Variants in DAD1 observed in about 807,000 individuals in gnomAD.
The protein encoded by DAD1 is dolichyl-diphosphooligosaccharide--protein glycosyltransferase subunit DAD1.
DAD1 carries 4 observed loss-of-function variants against 9.0 expected under a neutral mutation model. That is an observed-to-expected ratio of 0.44 (90% confidence interval 0.22 to 1.01). The LOEUF (loss-of-function observed/expected upper bound fraction) is 1.01, where lower values mean the gene tolerates loss of function less well. Among genes scored for constraint, DAD1 ranks in the 50% least tolerant of loss-of-function variants. The pLI, the probability that DAD1 is intolerant of heterozygous loss-of-function variation, is 0.24. For synonymous variants in DAD1, 60 were observed against 62.5 expected, an observed-to-expected ratio of 0.96 and a Z score of 0.19; for missense variants, 119 against 137.3, an observed-to-expected ratio of 0.87 and a Z score of 0.67.
chr14:22,573,129 A>G (rs1005656503), intron 2 of DAD1, among the ~76,000 whole-genome samples: 1 of 150,834 alleles, frequency 6.6e-6, no homozygotes, highest in South Asian at 2.1e-4. Flanking sequence ...ATGTTTACGT[A>G]TTCTCCCCTA....
At chr14:22,570,094 G>A (rs1205632108) in intron 2 of DAD1, among the ~76,000 whole-genome samples, 1 of 152,136 alleles carries the variant, frequency 6.6e-6, no homozygotes, top group Non-Finnish European at 1.5e-5. Context: ...TTATTTGGCG[G>A]CAGGACCTAA....
At chr14:22,574,112 G>T (rs1416644087) in intron 2 of DAD1, among the ~76,000 whole-genome samples, 1 of 152,162 alleles carries the variant, frequency 6.6e-6, no homozygotes, top group East Asian at 1.9e-4. Context: ...CAAAGGCAAA[G>T]ATTGCATGCA....
At chr14:22,575,270 A>G (rs773271369) in intron 1 of DAD1, 37 bp from the exon 2 acceptor site, 1 of 1,605,918 alleles carries the variant, frequency 6.2e-7, no homozygotes. Flanking sequence ...ATGATTATAT[A>G]GAAGTATAAA....
At chr14:22,570,099 A>T (rs1349748009) in intron 2 of DAD1, among the ~76,000 whole-genome samples, 1 of 152,196 alleles carries the variant, frequency 6.6e-6, no homozygotes, top group African/African-American at 2.4e-5. Context: ...TGGCGGCAGG[A>T]CCTAATTCAA....
intron 1 of DAD1, among the ~76,000 whole-genome samples, chr14:22,579,220 C>CAAA (rs5807179): frequency 6.9e-4 from 86 of 124,012 alleles, no homozygotes; most frequent in African/African-American, 1.9e-3. Flanking sequence ...TCACCATTGA[C>CAAA]AAAAAAAAAA....
chr14:22,574,991 A>C, intron 2 of DAD1, 68 bp downstream of exon 2: 1 of 1,410,382 alleles, frequency 7.1e-7, no homozygotes, highest in Non-Finnish European at 9.6e-7. Flanking sequence ...CCATGATCAA[A>C]ACCAGTCCCA....
intron 2 of DAD1, among the ~76,000 whole-genome samples, chr14:22,571,313 C>CAAAAAAAAAAA (rs71115558): frequency 6.1e-5 from 7 of 115,330 alleles, no homozygotes; most frequent in African/African-American, 2.2e-4. Context: ...GACTCTGTCT[C>CAAAAAAAAAAA]AAAAAAAAAA....
At chr14:22,579,537 G>A (rs1282167285) in intron 1 of DAD1, among the ~76,000 whole-genome samples, 1 of 152,190 alleles carries the variant, frequency 6.6e-6, no homozygotes, top group East Asian at 1.9e-4. Flanking sequence ...GGTAACCAGT[G>A]TAAACCCCTG....
chr14:22,586,778 TC>T (rs1325103126), intron 1 of DAD1, among the ~76,000 whole-genome samples: 1 of 152,024 alleles, frequency 6.6e-6, no homozygotes, highest in Non-Finnish European at 1.5e-5. Flanking sequence ...TTAAAACCAG[TC>T]TCCAGTTGAT....
intron 1 of DAD1, among the ~76,000 whole-genome samples, chr14:22,575,863 AC>A (rs1302286433): frequency 6.6e-6 from 1 of 152,208 alleles, no homozygotes; most frequent in Non-Finnish European, 1.5e-5. Flanking sequence ...TAAAAAATAC[AC>A]ACTGGCTGGC....
At chr14:22,576,010 T>A (rs551468977) in intron 1 of DAD1, among the ~76,000 whole-genome samples, 27 of 152,046 alleles carry the variant, frequency 1.8e-4, no homozygotes, top group Admixed American at 1.3e-3. Context: ...AGATGAGGAA[T>A]ATTCTGGGAT....
chr14:22,582,130 T>G lies in DAD1; in HGVS notation c.211+6817A>C, dbSNP rs150040862. On this transcript the variant is annotated intron_variant, in intron 1 of 2. Transcript: ENST00000250498. Reference sequence around the variant, plus strand: ...GCTGAGGCAGAAGAATCGCTTGAACTCCAAGGGCGGAGGTTGCAGTGAGCT... The same window carrying G: ...GCTGAGGCAGAAGAATCGCTTGAACGCCAAGGGCGGAGGTTGCAGTGAGCT... Among the ~76,000 whole-genome samples, 848 of 150,204 alleles carry G rather than the reference T, an allele frequency of 5.6e-3. 4 individuals carry two copies. Among genetic ancestry groups the G allele is most frequent in the Non-Finnish European group, 9.0e-3 (610 of 67,454 alleles).
At chr14:22,580,142 G>T (rs892826672) in intron 1 of DAD1, among the ~76,000 whole-genome samples, 1 of 152,060 alleles carries the variant, frequency 6.6e-6, no homozygotes, top group Non-Finnish European at 1.5e-5. Flanking sequence ...CTTGGCCAGG[G>T]CATGGTGGCT....
At chr14:22,567,369 T>A (rs961692375) in intron 2 of DAD1, among the ~76,000 whole-genome samples, 3 of 152,228 alleles carry the variant, frequency 2.0e-5, no homozygotes, top group Admixed American at 2.0e-4. Context: ...AGTCACCCAA[T>A]TAAAACTGAA....
intron 1 of DAD1, among the ~76,000 whole-genome samples, chr14:22,579,070 C>G (rs1370312588): frequency 2.0e-5 from 3 of 152,072 alleles, no homozygotes; most frequent in African/African-American, 7.2e-5. Context: ...TCTTGAGAAC[C>G]TCACAGTTCT....
At position 22,589,204 on chromosome 14, in the gene DAD1, C is replaced by G. The variant is rs970603714; in HGVS notation, c.-47G>C. On this transcript the variant is annotated 5_prime_UTR_variant, in exon 1 of 3. Transcript: ENST00000250498. ...GTCCGCGCCCCAAACTCTTGGAGGA[C>G]CCGTCGACCACACCGGATGTGCTGT... is the stretch of plus-strand genomic sequence containing the variant. 1 of 1,595,456 alleles carries G rather than the reference C, an allele frequency of 6.3e-7. No individual in the cohort carries two copies. The highest frequency in any genetic ancestry group is 1.3e-5 in the African/African-American group (1 of 74,552).
intron 1 of DAD1, among the ~76,000 whole-genome samples, chr14:22,580,791 G>A (rs563110731): frequency 6.6e-5 from 10 of 152,238 alleles, no homozygotes; most frequent in South Asian, 2.1e-4. Flanking sequence ...TTGGGGAGGC[G>A]TACTAATCAC....
In DAD1 at chr14:22,589,217, C is replaced by T. The variant is rs2037176206; in HGVS notation, c.-60G>A. The T allele has an allele frequency of 2.5e-6, 4 of 1,572,560 alleles. No homozygotes were observed. The highest frequency in any genetic ancestry group is 3.5e-6 in the Non-Finnish European group (4 of 1,145,892). On this transcript the variant is annotated 5_prime_UTR_variant, in exon 1 of 3. The change creates a new upstream start codon in the 5' untranslated region. Coordinates refer to ENST00000250498, the MANE Select transcript of DAD1 (RefSeq NM_001344.4). ...ACTCTTGGAGGACCCGTCGACCACA[C>T]CGGATGTGCTGTTTGCGCATGCGCA...
chr14:22,577,466 C>G (rs2037085221), intron 1 of DAD1, among the ~76,000 whole-genome samples: 1 of 152,114 alleles, frequency 6.6e-6, no homozygotes, highest in African/African-American at 2.4e-5. Flanking sequence ...TGGAACCAGG[C>G]TCTCAAGCAA....
Sources: allele counts gnomAD v4.1 joint callset (sites outside exome capture counted in the v4.1 genomes callset), GRCh38; gene constraint gnomAD v4.1.1; transcripts MANE v1.5; gene names NCBI Gene and HGNC (gene_info 2026-07-23, HGNC 2026-07-21).